Variants in PCDHGA2 observed in about 807,000 individuals in gnomAD.
PCDHGA2 encodes the protein protocadherin gamma-A2.
A neutral mutation model predicts 59.2 loss-of-function variants in PCDHGA2; 40 were observed. The ratio of observed to expected loss-of-function variants is 0.68; its 90% CI spans 0.52 to 0.88. PCDHGA2 has a LOEUF of 0.88. Among genes scored for constraint, PCDHGA2 ranks in the 40% least tolerant of loss-of-function variants. PCDHGA2 has a pLI of 0.00. For synonymous variants in PCDHGA2, 560 were observed against 526.0 expected (o/e 1.06, Z -0.89); for missense variants, 1,226 against 1,204.0 (o/e 1.02, Z -0.27).
intron 1 of PCDHGA2, among the ~76,000 whole-genome samples, chr5:141,463,418 C>T (rs1442067485): frequency 3.6e-5 from 5 of 138,240 alleles, no homozygotes; most frequent in Admixed American, 2.9e-4. Flanking sequence ...TCCTAGTTTG[C>T]GGATCCTCAT....
Position 141,432,826 on chromosome 5 carries a change from CACTCTGTACCT to C in PCDHGA2, c.2425-61980_2425-61970del, listed in dbSNP as rs1251102522. 6.2e-7 allele frequency: 1 copy of C among 1,614,096 alleles called. No homozygotes were observed. Among genetic ancestry groups the C allele is most frequent in the Non-Finnish European group, 8.5e-7 (1 of 1,180,020 alleles). On this transcript the variant is annotated intron_variant, in intron 1 of 3. Coordinates refer to ENST00000394576, the MANE Select transcript of PCDHGA2 (RefSeq NM_018915.4). This position sits in a 1 kb window ranked among gnomAD's most constrained non-coding sequence, Gnocchi z 6.0. Reference sequence around the variant, plus strand: ...CAGCTAACTCTGAAACCTCAGACCTCACTCTGTACCTGGTGGTAGCGGTGGCCGCGGTCTCC... The same window carrying C: ...CAGCTAACTCTGAAACCTCAGACCTCGGTGGTAGCGGTGGCCGCGGTCTCC...
intron 1 of PCDHGA2, chr5:141,357,241 T>G (rs1760519359): frequency 6.2e-7 from 1 of 1,613,712 alleles, no homozygotes; most frequent in Non-Finnish European, 8.5e-7. Context: ...CCTCAAGCCT[T>G]CAGCAGACCC....
chr5:141,409,883 C>T lies in PCDHGA2; in HGVS notation c.2424+68488C>T, dbSNP rs530193346. 1.2e-6 allele frequency: 2 copies of T among 1,612,988 alleles called. No individual in the cohort carries two copies. The highest frequency in any genetic ancestry group is 3.3e-5 in the Admixed American group (2 of 59,964). ...GGGAGACCGCAATGACAACGCACCGCGGGTGCTGTACCCAGCTCTGGGTCC... is the reference window on the plus strand; with the variant it reads ...GGGAGACCGCAATGACAACGCACCGTGGGTGCTGTACCCAGCTCTGGGTCC... On this transcript the variant is annotated intron_variant, in intron 1 of 3. Transcript: ENST00000394576.
chr5:141,357,406 C>T, intron 1 of PCDHGA2: 2 of 1,614,232 alleles, frequency 1.2e-6, no homozygotes, highest in Non-Finnish European at 1.7e-6. Context: ...GGCAGGTGTG[C>T]CTGCCTCGCA....
Position 141,344,584 on chromosome 5 carries a change from G to C in PCDHGA2, c.2424+3189G>C, listed in dbSNP as rs781452806. ...GACTACTTCTCTCTGGCTGTGAATA[G>C]CGTCTCTGAGGGGGCCAAGTATCCA... On this transcript the variant is annotated intron_variant, in intron 1 of 3. Transcript: ENST00000394576. 129 of 1,613,888 alleles carry C rather than the reference G, an allele frequency of 8.0e-5. No individual in the cohort carries two copies. The highest frequency in any genetic ancestry group is 1.0e-4 in the Non-Finnish European group (118 of 1,179,898).
intron 1 of PCDHGA2, among the ~76,000 whole-genome samples, chr5:141,369,499 T>A (rs1052662878): frequency 5.3e-5 from 8 of 151,958 alleles, no homozygotes; most frequent in Non-Finnish European, 1.2e-4. Context: ...AAACCCCACC[T>A]CTATAGAAAA....
chr5:141,351,894 G>T, intron 1 of PCDHGA2: 3 of 1,613,426 alleles, frequency 1.9e-6, no homozygotes, highest in South Asian at 2.2e-5. Flanking sequence ...GTGAGCCTGC[G>T]CGTGTTGGTG....
At position 141,393,344 on chromosome 5, in the gene PCDHGA2, C is replaced by G. The variant is rs1428830318; in HGVS notation, c.2424+51949C>G. On this transcript the variant is annotated intron_variant, in intron 1 of 3. Transcript: ENST00000394576. ...GCTACCAGCTCAGCCCCAATCACCA[C>G]TTCTCCCTGGACGTGCAGACTGGAG... The G allele has an allele frequency of 9.9e-6, 16 of 1,613,888 alleles. No individual in the cohort carries two copies. The highest frequency in any genetic ancestry group is 1.2e-5 in the Non-Finnish European group (14 of 1,179,904).
rs960870975 is a variant in PCDHGA2 at position 141,417,761 on chromosome 5, C to T, written c.2424+76366C>T. On this transcript the variant is annotated intron_variant, in intron 1 of 3. Coordinates refer to ENST00000394576, the MANE Select transcript of PCDHGA2 (RefSeq NM_018915.4). ...ACACCAGATTGCCAGCTCCGAGACC[C>T]GGGACTCCTCCTGTCCTGGGCCGAA... is the stretch of plus-strand genomic sequence containing the variant. 1.8e-5 allele frequency: 26 copies of T among 1,438,736 alleles called. No homozygotes were observed. The East Asian group carries it at 5.0e-4, about 28-fold the overall frequency. The allele number at this position is 1,438,736 out of a possible 1,614,324, so 89.1% of individuals were successfully genotyped here.
chr5:141,481,502 T>G (rs1425241526), intron 1 of PCDHGA2, among the ~76,000 whole-genome samples: 1 of 152,232 alleles, frequency 6.6e-6, no homozygotes, highest in Non-Finnish European at 1.5e-5. Context: ...TTGCATGGTA[T>G]GTGAATTATG....
At chr5:141,421,148 G>A (rs1334539595) in intron 1 of PCDHGA2, 2 of 1,056,062 alleles carry the variant, frequency 1.9e-6, no homozygotes, top group African/African-American at 1.6e-5. Context: ...GATGTAGTCG[G>A]CCTAGGACTT....
At chr5:141,358,557 C>T (rs1760945843) in intron 1 of PCDHGA2, among the ~76,000 whole-genome samples, 1 of 152,182 alleles carries the variant, frequency 6.6e-6, no homozygotes, top group Non-Finnish European at 1.5e-5. Context: ...TTCTGAGATG[C>T]ACCAGAAGTG....
At chr5:141,403,211 G>A (rs1253134514) in intron 1 of PCDHGA2, 2 of 1,613,856 alleles carry the variant, frequency 1.2e-6, no homozygotes, top group Non-Finnish European at 1.7e-6. Flanking sequence ...CTTGGTCACC[G>A]CGGGTAGGAT....
intron 1 of PCDHGA2, among the ~76,000 whole-genome samples, chr5:141,347,137 C>CTCTCTCTT (rs375338309): frequency 4.4e-5 from 5 of 113,834 alleles, no homozygotes; most frequent in South Asian, 3.1e-4. Flanking sequence ...CTCTGTTTCT[C>CTCTCTCTT]TCTTTCTTTC....
intron 1 of PCDHGA2, chr5:141,366,161 G>T (rs1242007246): frequency 6.2e-7 from 1 of 1,613,974 alleles, no homozygotes; most frequent in African/African-American, 1.3e-5. Flanking sequence ...CCTGCTTAAG[G>T]CCAGCGAGCC....
chr5:141,365,326 G>A (rs376885852), intron 1 of PCDHGA2: 1 of 1,613,980 alleles, frequency 6.2e-7, no homozygotes, highest in African/African-American at 1.3e-5. Flanking sequence ...CCAGCGCTAA[G>A]GTGGTGGTCA....
chr5:141,463,266 T>G (rs933899476), intron 1 of PCDHGA2, among the ~76,000 whole-genome samples: 16 of 151,982 alleles, frequency 1.1e-4, no homozygotes, highest in African/African-American at 3.6e-4. Context: ...CTCTATCCCA[T>G]AAATTCTGGC....
chr5:141,372,639 C>A (rs760209074), intron 1 of PCDHGA2: 1 of 1,613,842 alleles, frequency 6.2e-7, no homozygotes, highest in Non-Finnish European at 8.5e-7. Flanking sequence ...AAGGACTTTG[C>A]CTTATTCCTA....
chr5:141,362,791 C>A (rs1561527950), intron 1 of PCDHGA2, among the ~76,000 whole-genome samples: 2 of 152,318 alleles, frequency 1.3e-5, no homozygotes, highest in East Asian at 3.9e-4. Flanking sequence ...TCTTTTTCTT[C>A]CTCATCTTTA....
Sources: allele counts gnomAD v4.1 joint callset (sites outside exome capture counted in the v4.1 genomes callset), GRCh38; gene constraint gnomAD v4.1.1; non-coding constraint Gnocchi (gnomAD v3.1); transcripts MANE v1.5; gene names NCBI Gene and HGNC (gene_info 2026-07-23, HGNC 2026-07-21).